CDC42BPA: variants seen among roughly 807,000 people sequenced by gnomAD.
The protein encoded by CDC42BPA is serine/threonine-protein kinase MRCK alpha.
In CDC42BPA, 80 loss-of-function variants were observed where a neutral mutation model predicts 223.5. The ratio of observed to expected loss-of-function variants is 0.36; its 90% CI spans 0.30 to 0.43. The LOEUF is 0.43. Among genes scored for constraint, CDC42BPA ranks in the 20% least tolerant of loss-of-function variants. The pLI, the probability that CDC42BPA is intolerant of heterozygous loss-of-function variation, is 1.00. For missense variants in CDC42BPA, 1,743 were observed against 2,099.9 expected (o/e 0.83, Z 3.32); for synonymous variants, 694 against 718.6 (o/e 0.97, Z 0.55).
At chr1:227,124,397 TA>T (rs1487608570) in intron 11 of CDC42BPA, among the ~76,000 whole-genome samples, 3 of 152,182 alleles carry the variant, frequency 2.0e-5, no homozygotes, top group South Asian at 2.1e-4. Flanking sequence ...TTTGGAGGTA[TA>T]TTTTTTTTCT....
chr1:227,174,252 T>TA (rs1666582285), intron 5 of CDC42BPA, among the ~76,000 whole-genome samples: 1 of 152,112 alleles, frequency 6.6e-6, no homozygotes, highest in South Asian at 2.1e-4. Context: ...GTTCCTCCAT[T>TA]AGCAATATGA....
At position 227,309,643 on chromosome 1, in the gene CDC42BPA, T is replaced by A. The variant is rs142042758; in HGVS notation, c.178+7362A>T. On this transcript the variant is annotated intron_variant, in intron 1 of 36. Coordinates refer to ENST00000366766, the MANE Select transcript of CDC42BPA (RefSeq NM_001394014.1). The stretch of plus-strand genomic sequence containing the variant: ...AAAAATCACAAAGTAATGAATGTAA[T>A]CTCTTCAGATAGACAATAGTTTTGC... 4.6e-5 allele frequency among the ~76,000 whole-genome samples: 7 copies of A among 152,306 alleles called. No homozygotes were observed. In the East Asian group the frequency reaches 1.2e-3, roughly 25 times the overall value.
At chr1:227,198,470 GAAAGA>G (rs1463709826) in intron 4 of CDC42BPA, among the ~76,000 whole-genome samples, 2 of 104,424 alleles carry the variant, frequency 1.9e-5, no homozygotes, top group Non-Finnish European at 4.2e-5. Context: ...AAGAAAGAAA[GAAAGA>G]AAAAAAATGT....
intron 12 of CDC42BPA, among the ~76,000 whole-genome samples, chr1:227,117,451 G>C (rs982907056): frequency 6.6e-6 from 1 of 151,742 alleles, no homozygotes; most frequent in Non-Finnish European, 1.5e-5. Flanking sequence ...TGAGCAGCTG[G>C]GATGACAGGT....
At chr1:227,038,818 G>A (rs1199616322) in intron 24 of CDC42BPA, among the ~76,000 whole-genome samples, 1 of 152,214 alleles carries the variant, frequency 6.6e-6, no homozygotes, top group Non-Finnish European at 1.5e-5. Context: ...CTACCAAGAG[G>A]TGGAAGTGGT....
chr1:227,212,666 A>G (rs965528415), intron 3 of CDC42BPA, among the ~76,000 whole-genome samples: 2 of 152,190 alleles, frequency 1.3e-5, no homozygotes, highest in African/African-American at 4.8e-5. Context: ...TTCCATTACT[A>G]GATTTTACTA....
At chr1:227,294,446 CACTA>C (rs1690256279) in intron 1 of CDC42BPA, among the ~76,000 whole-genome samples, 1 of 151,990 alleles carries the variant, frequency 6.6e-6, no homozygotes, top group Non-Finnish European at 1.5e-5. Flanking sequence ...GCCAGGAATT[CACTA>C]CATGTTGGGC....
intron 3 of CDC42BPA, among the ~76,000 whole-genome samples, chr1:227,205,028 G>A (rs28648445): frequency 0.12 from 17,631 of 152,002 alleles, 1,246 homozygotes; most frequent in South Asian, 0.21. Flanking sequence ...GGGGGCTGAG[G>A]CAGATGGATC....
intron 5 of CDC42BPA, among the ~76,000 whole-genome samples, chr1:227,168,508 T>TTG (rs1558663092): frequency 2.9e-5 from 4 of 138,502 alleles, no homozygotes; most frequent in African/African-American, 8.1e-5. Flanking sequence ...TTTTTTTTTT[T>TTG]TTTTTGAGGC....
At position 227,265,404 on chromosome 1, in the gene CDC42BPA, T is replaced by TA. The variant is rs562078839; in HGVS notation, c.179-11250dup. On this transcript the variant is annotated intron_variant, in intron 1 of 36. Coordinates refer to ENST00000366766, the MANE Select transcript of CDC42BPA (RefSeq NM_001394014.1). Reference sequence around the variant, plus strand: ...GTAGTTAAGTACAGTACGTGGGGCATAAAAAAAAGTTTCAAAAATTAGGCC... The same window carrying TA: ...GTAGTTAAGTACAGTACGTGGGGCATAAAAAAAAAGTTTCAAAAATTAGGCC... Among the ~76,000 whole-genome samples, 77 of 151,786 alleles carry TA rather than the reference T, an allele frequency of 5.1e-4. No individual in the cohort carries two copies. In the East Asian group the frequency reaches 6.0e-3, roughly 12 times the overall value.
intron 1 of CDC42BPA, among the ~76,000 whole-genome samples, chr1:227,292,614 A>T (rs1689884718): frequency 1.3e-5 from 2 of 152,204 alleles, no homozygotes; most frequent in South Asian, 4.1e-4. Flanking sequence ...TTTGGTCATA[A>T]TCATTGCTTT....
intron 1 of CDC42BPA, among the ~76,000 whole-genome samples, chr1:227,258,278 A>G (rs1683453239): frequency 6.6e-6 from 1 of 150,708 alleles, no homozygotes; most frequent in African/African-American, 2.5e-5. Flanking sequence ...GATTTCTACT[A>G]TATCACAAAA....
chr1:227,081,656 G>A (rs1291622563), intron 16 of CDC42BPA, among the ~76,000 whole-genome samples: 1 of 152,004 alleles, frequency 6.6e-6, no homozygotes, highest in Non-Finnish European at 1.5e-5. Context: ...GTTTCACCAT[G>A]TTGGTCAGGC....
In CDC42BPA at chr1:227,046,633, ATTC is replaced by A. The variant is rs550958189; in HGVS notation, c.3093+1291_3093+1293del. Among the ~76,000 whole-genome samples, 76 of 152,280 alleles carry A rather than the reference ATTC, an allele frequency of 5.0e-4. No individual in the cohort carries two copies. The South Asian group carries it at 0.015, about 30-fold the overall frequency. On this transcript the variant is annotated intron_variant, in intron 23 of 36. Coordinates refer to ENST00000366766, the MANE Select transcript of CDC42BPA (RefSeq NM_001394014.1). ...AACACTTTATGTGGACTTTGAATCA[ATTC>A]TCTAATTTACTCTAGACTCCTGCTT...
chr1:227,129,014 AAC>A, intron 11 of CDC42BPA, 93 bp downstream of exon 11: 1 of 844,342 alleles, frequency 1.2e-6, no homozygotes, highest in Non-Finnish European at 1.9e-6. Flanking sequence ...CACATCACAT[AAC>A]ACAGACAGGT....
intron 31 of CDC42BPA, among the ~76,000 whole-genome samples, chr1:227,025,156 T>C (rs1409022586): frequency 6.6e-6 from 1 of 152,100 alleles, no homozygotes; most frequent in Non-Finnish European, 1.5e-5. Context: ...GGTGGGAGAA[T>C]TGCTTGAACC....
intron 1 of CDC42BPA, among the ~76,000 whole-genome samples, chr1:227,273,995 C>CAAAAAAAAAAAAAAAAAAAAAAAAAAA (rs10599884): frequency 1.6e-4 from 9 of 57,004 alleles, no homozygotes; most frequent in African/African-American, 5.7e-4. Context: ...TCGTATACAC[C>CAAAAAAAAAAAAAAAAAAAAAAAAAAA]AAAAAAAAAA....
intron 9 of CDC42BPA, among the ~76,000 whole-genome samples, chr1:227,142,239 G>A (rs1286719332): frequency 6.6e-6 from 1 of 152,190 alleles, no homozygotes; most frequent in East Asian, 1.9e-4. Flanking sequence ...TACAAGGAGT[G>A]ATTATAATCA....
chr1:227,102,968 TA>T (rs370788119), intron 14 of CDC42BPA, among the ~76,000 whole-genome samples: 9,109 of 151,800 alleles, frequency 0.06, 282 homozygotes, highest in Non-Finnish European at 0.073. Flanking sequence ...AACCATTACA[TA>T]AAAAAAACCA....
Sources: gnomAD v4.1 joint callset for allele counts (sites outside exome capture counted in the v4.1 genomes callset) on GRCh38, gnomAD v4.1.1 for gene constraint, MANE v1.5 for transcripts, NCBI Gene and HGNC (gene_info 2026-07-23, HGNC 2026-07-21) for gene names.